The following SMC5 variants were observed in gnomAD, a reference collection of about 807,000 sequenced individuals.
The protein encoded by SMC5 is structural maintenance of chromosomes protein 5.
A neutral mutation model predicts 148.3 loss-of-function variants in SMC5; 88 were observed. The observed-to-expected ratio is 0.59, with a 90% CI of 0.50 to 0.71. The LOEUF is 0.71. Ranked by LOEUF, SMC5 falls within the 30% of genes least tolerant of loss-of-function variation. SMC5 has a pLI of 0.00. For missense variants in SMC5, 1,142 were observed against 1,298.9 expected (o/e 0.88, Z 1.86); for synonymous variants, 421 against 432.8 (o/e 0.97, Z 0.34).
At chr9:70,266,150 C>G (rs1016812656) in intron 2 of SMC5, among the ~76,000 whole-genome samples, 1 of 151,968 alleles carries the variant, frequency 6.6e-6, no homozygotes, top group African/African-American at 2.4e-5. Context: ...AGACCATATC[C>G]TATTTCTATT....
chr9:70,341,766 T>C (rs533393954), intron 17 of SMC5, among the ~76,000 whole-genome samples: 2 of 152,168 alleles, frequency 1.3e-5, no homozygotes, highest in South Asian at 4.1e-4. Flanking sequence ...TGTGGAGAAA[T>C]AGGAACACTT....
chr9:70,318,458 A>G (rs545325569), intron 13 of SMC5, 56 bp from the exon 14 acceptor site: 8 of 1,297,634 alleles, frequency 6.2e-6, no homozygotes, highest in Middle Eastern at 2.7e-4. Flanking sequence ...CTAATTTAGT[A>G]CTTTAAAACA....
At chr9:70,274,227 G>A (rs1051261764) in intron 3 of SMC5, among the ~76,000 whole-genome samples, 10 of 152,228 alleles carry the variant, frequency 6.6e-5, no homozygotes, top group African/African-American at 2.2e-4. Context: ...GATTACAGGC[G>A]CCCGACACTA....
Position 70,352,280 on chromosome 9 carries a change from A to C in SMC5, c.3255A>C (p.Leu1085Phe), listed in dbSNP as rs1455851511. 1 of 1,613,764 alleles carries C rather than the reference A, an allele frequency of 6.2e-7. No homozygotes were observed. Among genetic ancestry groups the C allele is most frequent in the East Asian group, 2.2e-5 (1 of 44,868 alleles). The stretch of plus-strand genomic sequence containing the variant: ...TGCTGGAACCAAACACATGGAATTT[A>C]AAGGCTTTCCAAAGGCGGCGGCGCC... Reference protein sequence around the residue: ...PHMLEPNTWNLKAFQRRRRRI... With the variant: ...PHMLEPNTWNFKAFQRRRRRI... The change falls in exon 25 of 25, where the codon TTA (leucine) becomes TTC (phenylalanine). Residue 1085 changes from leucine to phenylalanine, a missense_variant. Coordinates refer to ENST00000361138, the MANE Select transcript of SMC5 (RefSeq NM_015110.4).
At chr9:70,299,394 C>T (rs1039312702) in intron 9 of SMC5, among the ~76,000 whole-genome samples, 1 of 151,526 alleles carries the variant, frequency 6.6e-6, no homozygotes, top group African/African-American at 2.4e-5. Context: ...GCTGTCTTAT[C>T]GGGCATTCTC....
At chr9:70,352,110 A>G (rs906235133) in intron 24 of SMC5, 81 bp from the exon 25 acceptor site, 4 of 1,252,256 alleles carry the variant, frequency 3.2e-6, no homozygotes, top group Middle Eastern at 2.0e-4. Context: ...AAAATAATAC[A>G]TTTGACTGTA....
At chr9:70,333,919 A>T (rs1485218257) in intron 17 of SMC5, among the ~76,000 whole-genome samples, 2 of 152,176 alleles carry the variant, frequency 1.3e-5, no homozygotes, top group Admixed American at 6.5e-5. Context: ...TCCCAGCCAG[A>T]TTATAGAAAT....
Position 70,264,392 on chromosome 9 carries a change from G to T in SMC5, c.274G>T (p.Ala92Ser). 6.2e-7 allele frequency: 1 copy of T among 1,614,054 alleles called. No individual in the cohort carries two copies. The highest frequency in any genetic ancestry group is 1.1e-5 in the South Asian group (1 of 91,076). ...NGTGKSSIVC[A>S]ICLGLAGKPA... Reference sequence around the variant, plus strand: ...AACAGGGAAGTCGAGCATTGTGTGTGCCATTTGCCTTGGTTTAGCTGGAAA... The same window carrying T: ...AACAGGGAAGTCGAGCATTGTGTGTTCCATTTGCCTTGGTTTAGCTGGAAA... Residue 92 changes from alanine (A) to serine (S), a missense_variant, in exon 2 of 25, where the codon GCC becomes TCC. Ala to Ser is a moderately conservative substitution (Grantham distance 99, BLOSUM62 1). Around this residue, in one of 5 missense-constraint regions of SMC5, gnomAD observed 297 missense variants for 302.6 expected, o/e 0.98. Coordinates refer to ENST00000361138, the MANE Select transcript of SMC5 (RefSeq NM_015110.4).
At chr9:70,317,289 A>G (rs780866655) in intron 13 of SMC5, among the ~76,000 whole-genome samples, 9 of 152,158 alleles carry the variant, frequency 5.9e-5, no homozygotes, top group Non-Finnish European at 1.0e-4. Context: ...ATTTTAGGTT[A>G]TCTAACAGTA....
chr9:70,263,440 G>A (rs1463888139), intron 1 of SMC5, among the ~76,000 whole-genome samples: 4 of 152,216 alleles, frequency 2.6e-5, no homozygotes. Flanking sequence ...TGAATAGCAG[G>A]CTAAGCATTT....
chr9:70,310,208 A>G (rs1431182626), intron 11 of SMC5, among the ~76,000 whole-genome samples: 1 of 152,198 alleles, frequency 6.6e-6, no homozygotes, highest in Non-Finnish European at 1.5e-5. Context: ...AGGAGTCATT[A>G]TCTGTGGCAG....
chr9:70,288,684 T>A (rs2034974452), intron 8 of SMC5, among the ~76,000 whole-genome samples: 1 of 152,144 alleles, frequency 6.6e-6, no homozygotes, highest in Non-Finnish European at 1.5e-5. Context: ...ATAATTTTTA[T>A]TTAAATGTTT....
intron 11 of SMC5, among the ~76,000 whole-genome samples, chr9:70,312,951 G>C (rs2035698172): frequency 6.6e-6 from 1 of 152,126 alleles, no homozygotes; most frequent in African/African-American, 2.4e-5. Context: ...GACTTGGGAA[G>C]TGTTTCATCC....
chr9:70,301,884 A>G (rs2118428407), intron 10 of SMC5, among the ~76,000 whole-genome samples: 1 of 152,354 alleles, frequency 6.6e-6, no homozygotes, highest in East Asian at 1.9e-4. Context: ...ATAAAGCAGA[A>G]AGATGCCATC....
At chr9:70,266,259 G>T (rs1041391138) in intron 2 of SMC5, among the ~76,000 whole-genome samples, 1 of 152,120 alleles carries the variant, frequency 6.6e-6, no homozygotes, top group Non-Finnish European at 1.5e-5. Context: ...ATGTGTGTGT[G>T]TGTGTTTAGT....
chr9:70,338,068 G>A (rs913785044), intron 17 of SMC5, among the ~76,000 whole-genome samples: 3 of 152,010 alleles, frequency 2.0e-5, no homozygotes, highest in African/African-American at 7.3e-5. Context: ...AGGCTGAAGT[G>A]CGGTGGCATG....
At chr9:70,305,765 CT>C (rs998437801) in intron 11 of SMC5, among the ~76,000 whole-genome samples, 4 of 152,148 alleles carry the variant, frequency 2.6e-5, no homozygotes, top group African/African-American at 9.6e-5. Context: ...AATAAAACGT[CT>C]TTAAAAAGAA....
intron 2 of SMC5, among the ~76,000 whole-genome samples, chr9:70,264,939 G>A (rs2034249848): frequency 6.6e-6 from 1 of 152,132 alleles, no homozygotes; most frequent in Non-Finnish European, 1.5e-5. Flanking sequence ...TTACTGTACT[G>A]AATACTGTGG....
Position 70,278,742 on chromosome 9 carries a change from T to C in SMC5, c.678+117T>C. On this transcript the variant is annotated intron_variant, in intron 5 of 24. Transcript: ENST00000361138. ...GTGAATTCGTATTTGTGATTTTTTT[T>C]CACTTAGGATTGTACTGCTAATATC... 5 of 1,004,032 alleles carry C rather than the reference T, an allele frequency of 5.0e-6. 1 individual carries two copies. Among genetic ancestry groups the C allele is most frequent in the South Asian group, 3.9e-5 (2 of 51,860 alleles). The allele number at this position is 1,004,032 out of a possible 1,614,324, so 62.2% of individuals were successfully genotyped here.
Sources: allele counts gnomAD v4.1 joint callset (sites outside exome capture counted in the v4.1 genomes callset), GRCh38; gene constraint gnomAD v4.1.1; regional missense constraint gnomAD v4.1.1; transcripts MANE v1.5; gene names NCBI Gene and HGNC (gene_info 2026-07-23, HGNC 2026-07-21).